The following CFDP1 variants were observed in gnomAD, a reference collection of about 807,000 sequenced individuals.
CFDP1 encodes the protein heterochromatin-stabilizing protein CFDP1.
Under a neutral mutation model 40.1 loss-of-function variants are expected in CFDP1, and 31 were observed. That is an observed-to-expected ratio of 0.77 (90% CI 0.58 to 1.04). CFDP1 has a LOEUF of 1.04. Ranked by LOEUF, CFDP1 falls within the 50% of genes least tolerant of loss-of-function variation. CFDP1 has a pLI of 0.00. For synonymous variants in CFDP1, 167 were observed against 120.0 expected, an observed-to-expected ratio of 1.39 and a Z score of -2.56; for missense variants, 423 against 343.4, an observed-to-expected ratio of 1.23 and a Z score of -1.83.
intron 4 of CFDP1, among the ~76,000 whole-genome samples, chr16:75,398,490 C>T (rs1216853688): frequency 6.6e-6 from 1 of 152,174 alleles, no homozygotes; most frequent in Non-Finnish European, 1.5e-5. Flanking sequence ...CACAACATGA[C>T]TTCCACAGGC....
intron 5 of CFDP1, among the ~76,000 whole-genome samples, chr16:75,390,120 T>G (rs1025145015): frequency 6.6e-6 from 1 of 152,230 alleles, no homozygotes; most frequent in African/African-American, 2.4e-5. Flanking sequence ...ACCCTGTTTA[T>G]AAGGGAGTCA....
At chr16:75,313,045 G>C (rs948245927) in intron 5 of CFDP1, among the ~76,000 whole-genome samples, 2 of 152,168 alleles carry the variant, frequency 1.3e-5, no homozygotes, top group African/African-American at 4.8e-5. Context: ...TCTTCTCTGT[G>C]AATAACAGTC....
In CFDP1 at chr16:75,433,487, T is replaced by G. The variant is rs117234201; in HGVS notation, c.-135A>C. The G allele has an allele frequency of 1.9e-4, 142 of 759,512 alleles. 1 individual carries two copies. The East Asian group carries it at 3.8e-3, about 20-fold the overall frequency. 47.0% of individuals were successfully genotyped at this position (759,512 alleles called of 1,614,324 possible). A position where few individuals can be genotyped will look rare whatever the true frequency, so the allele number is the denominator to read the frequency against. On this transcript the variant is annotated 5_prime_UTR_variant, in exon 1 of 7. An upstream start codon of the reference 5' UTR is lost. Transcript: ENST00000283882. ...GCGGCCCCCGACAGCGCTTTGCACA[T>G]GCGCAGAGAGTACTACGTGGTTGCC...
At position 75,393,566 on chromosome 16, in the gene CFDP1, C is replaced by T. The variant is rs4888401; in HGVS notation, c.650+1524G>A. Among the ~76,000 whole-genome samples, 1,059 of 151,428 alleles carry T rather than the reference C, an allele frequency of 7.0e-3. 63 individuals are homozygous for T. The highest frequency in any genetic ancestry group is 0.062 in the Admixed American group (946 of 15,182). On this transcript the variant is annotated intron_variant, in intron 5 of 6. Transcript: ENST00000283882. ...CTAACAAGGTGAAACCCCGTCTCTA[C>T]TAAAAATACAAAAAATTAGCCGGGC...
At chr16:75,299,472 G>T (rs1460291132) in intron 6 of CFDP1, among the ~76,000 whole-genome samples, 5 of 151,830 alleles carry the variant, frequency 3.3e-5, no homozygotes, top group African/African-American at 1.2e-4. Flanking sequence ...GCGGGCGCCT[G>T]TAGTCCCAGC....
At chr16:75,315,636 C>A (rs532012694) in intron 5 of CFDP1, among the ~76,000 whole-genome samples, 1 of 152,158 alleles carries the variant, frequency 6.6e-6, no homozygotes, top group East Asian at 1.9e-4. Flanking sequence ...TATCTAAATA[C>A]GCTTCACTTA....
Position 75,313,948 on chromosome 16 carries a change from A to C in CFDP1, c.651-8766T>G, listed in dbSNP as rs1211202987. Among the ~76,000 whole-genome samples the C allele has an allele frequency of 2.0e-5, 3 of 152,056 alleles. No individual in the cohort carries two copies. In the East Asian group the frequency reaches 5.8e-4, roughly 30 times the overall value. On this transcript the variant is annotated intron_variant, in intron 5 of 6. Coordinates refer to ENST00000283882, the MANE Select transcript of CFDP1 (RefSeq NM_006324.3). ...TGCCCAAGCTACAGTGCAGTGGTGC[A>C]ATCTTGGCTCACCGCAACCTCCGCC...
chr16:75,403,907 G>T (rs188472675), intron 4 of CFDP1, among the ~76,000 whole-genome samples: 1 of 152,082 alleles, frequency 6.6e-6, no homozygotes, highest in Non-Finnish European at 1.5e-5. Flanking sequence ...CGAAGTGGGC[G>T]TATCATTTGA....
At chr16:75,404,330 G>A (rs1385366456) in intron 4 of CFDP1, among the ~76,000 whole-genome samples, 1 of 150,156 alleles carries the variant, frequency 6.7e-6, no homozygotes, top group South Asian at 2.1e-4. Flanking sequence ...CCGCCTCCCG[G>A]GTTCACGCCA....
At chr16:75,325,647 C>A (rs762852809) in intron 5 of CFDP1, among the ~76,000 whole-genome samples, 5 of 152,236 alleles carry the variant, frequency 3.3e-5, no homozygotes, top group Non-Finnish European at 7.3e-5. Flanking sequence ...ACTGATATAA[C>A]CTAAGCACCC....
At chr16:75,315,653 A>G (rs1003430070) in intron 5 of CFDP1, among the ~76,000 whole-genome samples, 2 of 152,182 alleles carry the variant, frequency 1.3e-5, no homozygotes, top group African/African-American at 4.8e-5. Context: ...CTTAGATTCA[A>G]TTGTTAACAT....
At chr16:75,418,689 T>G (rs1180329218) in intron 1 of CFDP1, among the ~76,000 whole-genome samples, 3 of 148,310 alleles carry the variant, frequency 2.0e-5, no homozygotes, top group African/African-American at 7.5e-5. Context: ...ATCAAGCATC[T>G]CTAAAGTTCA....
chr16:75,333,560 CT>C (rs1175200863), intron 5 of CFDP1, among the ~76,000 whole-genome samples: 1 of 152,132 alleles, frequency 6.6e-6, no homozygotes, highest in Non-Finnish European at 1.5e-5. Flanking sequence ...TCTTTATTTG[CT>C]TTTAGAAGCC....
In CFDP1 at chr16:75,433,359, G is replaced by A. The variant is rs1440969787; in HGVS notation, c.-7C>T. The A allele has an allele frequency of 1.9e-6, 3 of 1,585,162 alleles. No homozygotes were observed. Among genetic ancestry groups the A allele is most frequent in the Middle Eastern group, 1.8e-4 (1 of 5,692 alleles). ...CGGAGTCGAATTCCTCCATGTTGCT[G>A]CCGCTCGACGCTGGTCAAACTCACA... On this transcript the variant is annotated 5_prime_UTR_variant, in exon 1 of 7. Coordinates refer to ENST00000283882, the MANE Select transcript of CFDP1 (RefSeq NM_006324.3).
intron 5 of CFDP1, among the ~76,000 whole-genome samples, chr16:75,332,755 T>C (rs1427529802): frequency 1.3e-5 from 2 of 151,148 alleles, no homozygotes; most frequent in African/African-American, 2.4e-5. Context: ...TTCAGATATA[T>C]ATTTTACAAT....
At chr16:75,320,869 C>T (rs16960300) in intron 5 of CFDP1, among the ~76,000 whole-genome samples, 2,651 of 152,246 alleles carry the variant, frequency 0.017, 74 homozygotes, top group African/African-American at 0.06. Flanking sequence ...GAATAGTTTC[C>T]CTCTAAGAAT....
chr16:75,393,878 T>G (rs899528414), intron 5 of CFDP1, among the ~76,000 whole-genome samples: 1 of 149,916 alleles, frequency 6.7e-6, no homozygotes, highest in African/African-American at 2.5e-5. Flanking sequence ...GCTAACACAG[T>G]GAAACCTCGT....
intron 1 of CFDP1, among the ~76,000 whole-genome samples, chr16:75,422,618 C>T (rs1319655831): frequency 6.6e-6 from 1 of 151,028 alleles, no homozygotes; most frequent in African/African-American, 2.4e-5. Flanking sequence ...TAGTCTTGAA[C>T]TCCTGGCCTC....
At chr16:75,399,865 G>A (rs2079033714) in intron 4 of CFDP1, among the ~76,000 whole-genome samples, 1 of 152,098 alleles carries the variant, frequency 6.6e-6, no homozygotes, top group Non-Finnish European at 1.5e-5. Context: ...ATTTTGGGAG[G>A]CCAAGGCAGG....
Sources: gnomAD v4.1 joint callset for allele counts (sites outside exome capture counted in the v4.1 genomes callset) on GRCh38, gnomAD v4.1.1 for gene constraint, MANE v1.5 for transcripts, NCBI Gene and HGNC (gene_info 2026-07-23, HGNC 2026-07-21) for gene names.